Variants in SLC16A12 observed in about 807,000 individuals in gnomAD.
SLC16A12 encodes monocarboxylate transporter 12.
Under a neutral mutation model 42.4 loss-of-function variants are expected in SLC16A12, and 17 were observed. The ratio of observed to expected loss-of-function variants is 0.40; its 90% CI spans 0.27 to 0.60. SLC16A12 has a LOEUF of 0.60. Among genes scored for constraint, SLC16A12 ranks in the 20% least tolerant of loss-of-function variants. The pLI is 0.42. For missense variants in SLC16A12, 544 were observed against 623.0 expected (o/e 0.87, Z 1.35); for synonymous variants, 224 against 229.4 (o/e 0.98, Z 0.21).
rs781466736 is a variant in SLC16A12, at chr10:89,436,162, CT to C, written c.1185del (p.Val396Ter). 1.2e-6 allele frequency: 2 copies of C among 1,614,074 alleles called. No individual in the cohort carries two copies. The highest frequency in any genetic ancestry group is 1.7e-6 in the Non-Finnish European group (2 of 1,180,004). ...YFDGAYVTLI[P>X]VVTTEIVGTT... ...GTCCCCACTATCTCTGTGGTCACTACTGGGATCAAAGTCACATAGGCACCAT... is the reference window on the plus strand; with the variant it reads ...GTCCCCACTATCTCTGTGGTCACTACGGGATCAAAGTCACATAGGCACCAT... On this transcript the variant is annotated frameshift_variant, in exon 7 of 8. Transcript: ENST00000371790. LOFTEE classifies it high-confidence loss of function.
intron 2 of SLC16A12, among the ~76,000 whole-genome samples, chr10:89,547,254 G>A (rs944873336): frequency 6.6e-6 from 1 of 152,118 alleles, no homozygotes; most frequent in Admixed American, 6.6e-5. Flanking sequence ...ATTATCAGAA[G>A]TCTTTTGTAT....
chr10:89,552,801 G>A (rs532383145), intron 2 of SLC16A12, among the ~76,000 whole-genome samples: 109 of 152,306 alleles, frequency 7.2e-4, no homozygotes, highest in South Asian at 2.5e-3. Flanking sequence ...GGTGACATCC[G>A]CACTTGGCTT....
chr10:89,541,579 C>A (rs1340188804), intron 2 of SLC16A12, among the ~76,000 whole-genome samples: 3 of 152,094 alleles, frequency 2.0e-5, no homozygotes, highest in Non-Finnish European at 4.4e-5. Context: ...AGAACTAGAC[C>A]CAGTCTCTAA....
intron 2 of SLC16A12, among the ~76,000 whole-genome samples, chr10:89,485,859 A>C (rs941303407): frequency 6.6e-6 from 1 of 152,210 alleles, no homozygotes; most frequent in East Asian, 1.9e-4. Context: ...ATGCATCAGG[A>C]CATACAATTG....
At chr10:89,481,658 T>A (rs1284808848) in intron 2 of SLC16A12, among the ~76,000 whole-genome samples, 52 of 141,592 alleles carry the variant, frequency 3.7e-4, no homozygotes, top group African/African-American at 1.2e-3. Context: ...TGTGTGTGTG[T>A]GTGTGTGAGA....
chr10:89,545,089 T>C (rs1373536194), intron 2 of SLC16A12, among the ~76,000 whole-genome samples: 3 of 152,140 alleles, frequency 2.0e-5, no homozygotes, highest in Non-Finnish European at 4.4e-5. Context: ...GCCTGCTGGA[T>C]GAGAGGACAT....
intron 2 of SLC16A12, among the ~76,000 whole-genome samples, chr10:89,506,166 C>A (rs1843058250): frequency 2.6e-5 from 4 of 152,202 alleles, no homozygotes; most frequent in Admixed American, 2.6e-4. Flanking sequence ...ACTTAAACGT[C>A]CCTGCCTGAC....
At position 89,510,404 on chromosome 10, in the gene SLC16A12, G is replaced by T. The variant is rs142418433; in HGVS notation, c.-47+24097C>A. ...AAACAGGTATACAGACAAATGGAAC[G>T]GAACAGAGGCCTCAGAAATAACACC... On this transcript the variant is annotated intron_variant, in intron 2 of 7. Transcript: ENST00000371790. Among the ~76,000 whole-genome samples, 5 of 152,086 alleles carry T rather than the reference G, an allele frequency of 3.3e-5. No individual in the cohort carries two copies. The South Asian group carries it at 1.0e-3, about 32-fold the overall frequency.
chr10:89,446,032 T>A (rs1841994946), intron 3 of SLC16A12, among the ~76,000 whole-genome samples: 2 of 151,778 alleles, frequency 1.3e-5, no homozygotes, highest in Admixed American at 1.3e-4. Flanking sequence ...ATTAATGAAA[T>A]GAAATGAGAA....
chr10:89,480,021 T>G (rs115189556), intron 2 of SLC16A12, among the ~76,000 whole-genome samples: 66 of 152,284 alleles, frequency 4.3e-4, no homozygotes, highest in Middle Eastern at 3.4e-3. Context: ...AGAGGCCCTT[T>G]AGGTCATGAT....
chr10:89,521,446 G>A (rs1843354544), intron 2 of SLC16A12, among the ~76,000 whole-genome samples: 1 of 152,174 alleles, frequency 6.6e-6, no homozygotes, highest in African/African-American at 2.4e-5. Context: ...TCCTACACGG[G>A]CAGAGGAGAA....
At chr10:89,505,918 T>G (rs1843053296) in intron 2 of SLC16A12, among the ~76,000 whole-genome samples, 1 of 152,160 alleles carries the variant, frequency 6.6e-6, no homozygotes, top group African/African-American at 2.4e-5. Context: ...CTGCCATTGC[T>G]GAGGCTTCAG....
chr10:89,464,024 G>T (rs1330967158), intron 2 of SLC16A12, among the ~76,000 whole-genome samples: 5 of 152,106 alleles, frequency 3.3e-5, no homozygotes, highest in African/African-American at 1.2e-4. Context: ...CGTTATATAT[G>T]ACTCAGGCCT....
chr10:89,434,947 A>G (rs1340396812), intron 7 of SLC16A12, among the ~76,000 whole-genome samples: 1 of 152,230 alleles, frequency 6.6e-6, no homozygotes, highest in Non-Finnish European at 1.5e-5. Flanking sequence ...TGTAGACCAC[A>G]TGCTTTAGGA....
chr10:89,458,880 A>G (rs1340335680), intron 3 of SLC16A12, among the ~76,000 whole-genome samples: 1 of 152,194 alleles, frequency 6.6e-6, no homozygotes, highest in African/African-American at 2.4e-5. Flanking sequence ...GAGTTAACAA[A>G]CCACTTTAGG....
chr10:89,514,805 G>A (rs939988970), intron 2 of SLC16A12, among the ~76,000 whole-genome samples: 1 of 152,258 alleles, frequency 6.6e-6, no homozygotes, highest in Middle Eastern at 3.4e-3. Flanking sequence ...GGAGCGGGCC[G>A]GGTGCGCGGG....
intron 2 of SLC16A12, among the ~76,000 whole-genome samples, chr10:89,495,561 C>A (rs1474333955): frequency 6.6e-6 from 1 of 152,030 alleles, no homozygotes. Flanking sequence ...TGAAAATATC[C>A]CAAGTTAAAA....
Position 89,462,583 on chromosome 10 carries a change from G to A in SLC16A12, c.-5C>T. Reference sequence around the variant, plus strand: ...CCAGTGACTTCCTGATGGCATTCAAGGTTGGCATAGAACGCTACCTGGCCC... The same window carrying A: ...CCAGTGACTTCCTGATGGCATTCAAAGTTGGCATAGAACGCTACCTGGCCC... On this transcript the variant is annotated 5_prime_UTR_variant, in exon 3 of 8. Transcript: ENST00000371790. 1 of 1,599,564 alleles carries A rather than the reference G, an allele frequency of 6.3e-7. No individual in the cohort carries two copies. Among genetic ancestry groups the A allele is most frequent in the Non-Finnish European group, 8.5e-7 (1 of 1,175,924 alleles).
intron 4 of SLC16A12, among the ~76,000 whole-genome samples, chr10:89,442,009 C>G (rs1422785866): frequency 6.6e-6 from 1 of 152,188 alleles, no homozygotes; most frequent in Non-Finnish European, 1.5e-5. Context: ...CTCTTTGGGT[C>G]TCTCAGACTA....
Sources: allele counts gnomAD v4.1 joint callset (sites outside exome capture counted in the v4.1 genomes callset), GRCh38; gene constraint gnomAD v4.1.1; transcripts MANE v1.5; gene names NCBI Gene and HGNC (gene_info 2026-07-23, HGNC 2026-07-21).